Variants in TMEM163 observed in about 807,000 individuals in gnomAD.
TMEM163 encodes transmembrane protein 163.
Under a neutral mutation model 29.3 loss-of-function variants are expected in TMEM163, and 17 were observed. The ratio of observed to expected loss-of-function variants is 0.58; its 90% CI spans 0.40 to 0.87. The LOEUF is 0.87. Ranked by LOEUF, TMEM163 falls within the 40% of genes least tolerant of loss-of-function variation. TMEM163 has a pLI of 0.00. For missense variants in TMEM163, 303 were observed against 381.5 expected (o/e 0.79, Z 1.71); for synonymous variants, 157 against 160.6 (o/e 0.98, Z 0.17).
chr2:134,703,813 T>C (rs1309560138), intron 2 of TMEM163, among the ~76,000 whole-genome samples: 1 of 150,106 alleles, frequency 6.7e-6, no homozygotes, highest in Non-Finnish European at 1.5e-5. Context: ...CTGTCATTCT[T>C]AACGTTCTTA....
At chr2:134,656,825 C>T (rs562036245) in intron 2 of TMEM163, among the ~76,000 whole-genome samples, 4 of 152,066 alleles carry the variant, frequency 2.6e-5, no homozygotes, top group Admixed American at 6.6e-5. Flanking sequence ...TTTTATAAAA[C>T]GCTTTTACTT....
Position 134,682,693 on chromosome 2 carries a change from G to A in TMEM163, c.322+30507C>T, listed in dbSNP as rs150043548. The stretch of plus-strand genomic sequence containing the variant: ...CAGGAACCCTCATTCATTACTGCCG[G>A]GAATACAAAATGGTGCAGCCACTTT... On this transcript the variant is annotated intron_variant, in intron 2 of 7. Coordinates refer to ENST00000281924, the MANE Select transcript of TMEM163 (RefSeq NM_030923.5). Among the ~76,000 whole-genome samples the A allele has an allele frequency of 2.6e-3, 392 of 152,254 alleles. 2 individuals are homozygous for A. Among genetic ancestry groups the A allele is most frequent in the Non-Finnish European group, 3.7e-3 (249 of 68,028 alleles).
At chr2:134,587,582 G>GTGGTTCAA (rs1216913638) in intron 2 of TMEM163, among the ~76,000 whole-genome samples, 4 of 152,174 alleles carry the variant, frequency 2.6e-5, no homozygotes, top group African/African-American at 9.7e-5. Context: ...ACCCAGACAC[G>GTGGTTCAA]TGGTTCAATC....
intron 2 of TMEM163, among the ~76,000 whole-genome samples, chr2:134,659,769 C>T (rs1215129100): frequency 6.6e-6 from 1 of 152,004 alleles, no homozygotes; most frequent in Non-Finnish European, 1.5e-5. Flanking sequence ...GAGAGATTAA[C>T]CCCATCTCTA....
chr2:134,564,130 G>T (rs1681242729), intron 2 of TMEM163, among the ~76,000 whole-genome samples: 2 of 152,086 alleles, frequency 1.3e-5, no homozygotes. Flanking sequence ...AAACCTGGAA[G>T]ACAGTCACTA....
intron 2 of TMEM163, among the ~76,000 whole-genome samples, chr2:134,644,053 T>C (rs1030974767): frequency 2.6e-5 from 4 of 152,134 alleles, no homozygotes; most frequent in Middle Eastern, 3.4e-3. Context: ...GTAAATCTAA[T>C]AAAATGTGTG....
At chr2:134,489,266 A>G (rs1378564610) in intron 5 of TMEM163, among the ~76,000 whole-genome samples, 1 of 152,192 alleles carries the variant, frequency 6.6e-6, no homozygotes, top group African/African-American at 2.4e-5. Flanking sequence ...TCTTAAGACT[A>G]TGTTGAGTAA....
intron 5 of TMEM163, among the ~76,000 whole-genome samples, chr2:134,494,909 AC>A (rs1679513769): frequency 6.6e-6 from 1 of 151,920 alleles, no homozygotes. Flanking sequence ...GCTTCAGAAG[AC>A]CCCCGGCAGA....
At chr2:134,563,784 G>A (rs1352148621) in intron 2 of TMEM163, among the ~76,000 whole-genome samples, 2 of 152,176 alleles carry the variant, frequency 1.3e-5, no homozygotes, top group Non-Finnish European at 1.5e-5. Flanking sequence ...GCCAGGCACG[G>A]TGGCTCACAC....
intron 2 of TMEM163, among the ~76,000 whole-genome samples, chr2:134,695,923 G>A (rs1248989218): frequency 6.6e-6 from 1 of 151,986 alleles, no homozygotes; most frequent in African/African-American, 2.4e-5. Context: ...GTGGTGGTGG[G>A]TGCCTGTAAT....
chr2:134,490,147 C>T (rs1464463138), intron 5 of TMEM163, among the ~76,000 whole-genome samples: 3 of 152,172 alleles, frequency 2.0e-5, no homozygotes, highest in Non-Finnish European at 1.5e-5. Context: ...TGCTGAGCTA[C>T]TCCAACAGTC....
intron 5 of TMEM163, among the ~76,000 whole-genome samples, chr2:134,477,688 T>C (rs1686951199): frequency 6.6e-6 from 1 of 152,218 alleles, no homozygotes. Context: ...AGTAAGATTT[T>C]TTTCAAAGAG....
At chr2:134,525,354 T>G (rs1680271447) in intron 4 of TMEM163, among the ~76,000 whole-genome samples, 1 of 152,246 alleles carries the variant, frequency 6.6e-6, no homozygotes, top group South Asian at 2.1e-4. Context: ...CCCTGGAGTC[T>G]GAGCAGCACC....
At chr2:134,703,661 T>C (rs1429253298) in intron 2 of TMEM163, among the ~76,000 whole-genome samples, 1 of 152,072 alleles carries the variant, frequency 6.6e-6, no homozygotes. Context: ...AAATAATGCC[T>C]AAACTTGAAA....
intron 2 of TMEM163, among the ~76,000 whole-genome samples, chr2:134,630,665 G>C (rs986395070): frequency 2.0e-5 from 3 of 152,126 alleles, no homozygotes; most frequent in Admixed American, 2.0e-4. Flanking sequence ...GCTGAACAGG[G>C]GTCTGACAGC....
intron 2 of TMEM163, among the ~76,000 whole-genome samples, chr2:134,702,453 T>C (rs1684723888): frequency 6.6e-6 from 1 of 152,158 alleles, no homozygotes; most frequent in South Asian, 2.1e-4. Flanking sequence ...AAGACCAGCC[T>C]GGGCAACAAG....
At chr2:134,704,815 T>C (rs749111239) in intron 2 of TMEM163, among the ~76,000 whole-genome samples, 9 of 152,154 alleles carry the variant, frequency 5.9e-5, no homozygotes, top group African/African-American at 1.4e-4. Flanking sequence ...CACCCTTTCA[T>C]TGAAGGTAAA....
chr2:134,700,933 A>AATACATAAATACATAAATAC (rs1241395014), intron 2 of TMEM163, among the ~76,000 whole-genome samples: 4 of 82,744 alleles, frequency 4.8e-5, no homozygotes, highest in African/African-American at 3.5e-4. Context: ...TAAATAAATA[A>AATACATAAATACATAAATAC]ATAAATAAAT....
At chr2:134,605,510 C>T (rs1682333365) in intron 2 of TMEM163, among the ~76,000 whole-genome samples, 1 of 151,948 alleles carries the variant, frequency 6.6e-6, no homozygotes, top group Non-Finnish European at 1.5e-5. Context: ...TCAGCCTGGC[C>T]AACATGGTGA....
Sources: allele counts gnomAD v4.1 joint callset (sites outside exome capture counted in the v4.1 genomes callset), GRCh38; gene constraint gnomAD v4.1.1; transcripts MANE v1.5; gene names NCBI Gene and HGNC (gene_info 2026-07-23, HGNC 2026-07-21).